MIDN: variants seen among roughly 807,000 people sequenced by gnomAD.
MIDN encodes midnolin.
A neutral mutation model predicts 46.1 loss-of-function variants in MIDN; 26 were observed. That is an observed-to-expected ratio of 0.56 (90% confidence interval 0.41 to 0.78). The LOEUF (loss-of-function observed/expected upper bound fraction) is 0.78. MIDN is among the 30% of genes least tolerant of loss of function. The pLI, the probability that MIDN is intolerant of heterozygous loss-of-function variation, is 0.00. For missense variants in MIDN, 850 were observed against 771.8 expected (o/e 1.10, Z -1.20); for synonymous variants, 432 against 343.3 (o/e 1.26, Z -2.86).
intron 4 of MIDN, among the ~76,000 whole-genome samples, chr19:1,253,220 G>C (rs558153815): frequency 6.6e-6 from 1 of 151,868 alleles, no homozygotes; most frequent in South Asian, 2.1e-4. Context: ...CTGTCTTGGG[G>C]CAGGGGGGTA....
chr19:1,255,684 C>G lies in MIDN; in HGVS notation c.1248C>G (p.Cys416Trp). The change falls in exon 8 of 9, where the codon TGC (cysteine) becomes TGG (tryptophan). Residue 416 changes from cysteine (C) to tryptophan (W), a missense_variant. Cys to Trp is a radical substitution (Grantham distance 215). Transcript: ENST00000682408. ...LLQGQSQIRM[C>W]KPPGDRLRQT... ...AGGGCCAGAGCCAGATCCGCATGTG[C>G]AAGCCCCCGGGTGAGTGGCCACCCT... 4 of 1,584,430 alleles carry G rather than the reference C, an allele frequency of 2.5e-6. No individual in the cohort carries two copies. Among genetic ancestry groups the G allele is most frequent in the East Asian group, 2.2e-5 (1 of 44,548 alleles).
Position 1,250,500 on chromosome 19 carries a change from G to C in MIDN, c.204G>C (p.Lys68Asn). Residue 68 changes from lysine (K) to asparagine (N), a missense_variant, in exon 2 of 9, where the codon AAG becomes AAC. Transcript: ENST00000682408. Reference protein sequence around the residue: ...KRLSQRLKVPKERLALLHKDT... With the variant: ...KRLSQRLKVPNERLALLHKDT... The stretch of plus-strand genomic sequence containing the variant: ...TGTCCCAGCGCCTCAAAGTGCCCAA[G>C]GAGCGCCTGGCTCTTCTCCACAAAG... 2 of 1,343,400 alleles carry C rather than the reference G, an allele frequency of 1.5e-6. No homozygotes were observed. Among genetic ancestry groups the C allele is most frequent in the Non-Finnish European group, 2.0e-6 (2 of 1,022,836 alleles). 83.2% of individuals were successfully genotyped at this position (1,343,400 alleles called of 1,614,324 possible).
chr19:1,257,685 C>T lies in MIDN; in HGVS notation c.*413C>T, dbSNP rs1417441252. ...TTCCGCCGCCTCCTTTCCCCCCCGA[C>T]CCTATTCAGGTTTTAAGTCAAAAAT... On this transcript the variant is annotated 3_prime_UTR_variant, in exon 9 of 9. Transcript: ENST00000682408. The T allele has an allele frequency of 5.1e-6, 1 of 194,408 alleles. No homozygotes were observed. Among genetic ancestry groups the T allele is most frequent in the Non-Finnish European group, 1.0e-5 (1 of 95,240 alleles). 12.0% of individuals were successfully genotyped at this position (194,408 alleles called of 1,614,324 possible).
chr19:1,250,948 C>T (rs2081119013), intron 2 of MIDN, among the ~76,000 whole-genome samples: 1 of 152,034 alleles, frequency 6.6e-6, no homozygotes, highest in Admixed American at 6.5e-5. Context: ...CGAGCGCTCC[C>T]CGCAGCCTCC....
rs201653876 is a variant in MIDN at position 1,251,660 on chromosome 19, A to C, written c.321+11A>C. On this transcript the variant is annotated intron_variant, in intron 3 of 8. Transcript: ENST00000682408. ...GAAGCGGGCCTCATGGTAAATGGCC[A>C]TGGGGCTGCGTGCCCCCAGAGGCCC... 7 of 1,605,990 alleles carry C rather than the reference A, an allele frequency of 4.4e-6. No homozygotes were observed. The highest frequency in any genetic ancestry group is 5.9e-6 in the Non-Finnish European group (7 of 1,176,550).
Position 1,250,397 on chromosome 19 carries a change from C to G in MIDN, c.101C>G (p.Ala34Gly), listed in dbSNP as rs745584780. Reference protein sequence around the residue: ...PAAEAAPMSLAIHSTTGTRYD... With the variant: ...PAAEAAPMSLGIHSTTGTRYD... ...GCCGAGGCGGCGCCCATGAGCCTCG[C>G]CATCCACAGCACCACGGGCACCCGC... Residue 34 changes from alanine (A) to glycine (G), a missense_variant, in exon 2 of 9, where the codon GCC becomes GGC. By Grantham distance (60) the Ala-to-Gly change is moderately conservative. Coordinates refer to ENST00000682408, the MANE Select transcript of MIDN (RefSeq NM_001388306.1). 5 of 1,293,392 alleles carry G rather than the reference C, an allele frequency of 3.9e-6. No individual in the cohort carries two copies. The East Asian group carries it at 1.9e-4, about 48-fold the overall frequency. The allele number at this position is 1,293,392 out of a possible 1,614,324, so 80.1% of individuals were successfully genotyped here.
rs950121331 is a variant in MIDN, at chr19:1,255,019, T to C, written c.943T>C (p.Phe315Leu). ...AAAACCCGGCGCCGTCATCGAGAGC[T>C]TTGTGAATCACGCCCCGGGGGTCTT... ...SRKPGAVIES[F>L]VNHAPGVFSG... The change falls in exon 7 of 9, where the codon TTT (phenylalanine) becomes CTT (leucine). Residue 315 changes from phenylalanine (F) to leucine (L), a missense_variant. By Grantham distance (22) the Phe-to-Leu change is conservative (BLOSUM62 0). Transcript: ENST00000682408. The C allele has an allele frequency of 1.2e-6, 2 of 1,613,122 alleles. No homozygotes were observed. Among genetic ancestry groups the C allele is most frequent in the African/African-American group, 2.7e-5 (2 of 74,862 alleles).
chr19:1,250,374 C>T lies in MIDN; in HGVS notation c.78C>T (p.Ala26=), dbSNP rs780452262. 1.0e-5 allele frequency: 12 copies of T among 1,169,076 alleles called. No individual in the cohort carries two copies. Among genetic ancestry groups the T allele is most frequent in the Non-Finnish European group, 1.2e-5 (11 of 936,320 alleles). 72.4% of individuals were successfully genotyped at this position (1,169,076 alleles called of 1,614,324 possible). A position where few individuals can be genotyped will look rare whatever the true frequency, so the allele number is the denominator to read the frequency against. ...PGGACELGPA[A]EAAPMSLAIH... ...GCGCCTGCGAGCTGGGCCCGGCGGC[C>T]GAGGCGGCGCCCATGAGCCTCGCCA... The change falls in exon 2 of 9, where the codon GCC becomes GCT. Residue 26 remains alanine (A), a synonymous_variant. Coordinates refer to ENST00000682408, the MANE Select transcript of MIDN (RefSeq NM_001388306.1).
chr19:1,252,062 C>G (rs983350575), intron 4 of MIDN, among the ~76,000 whole-genome samples, 161 bp downstream of exon 4: 1 of 152,148 alleles, frequency 6.6e-6, no homozygotes, highest in Non-Finnish European at 1.5e-5. Flanking sequence ...TCCCCACCTC[C>G]TCTCCCCCAA....
chr19:1,250,462 C>T lies in MIDN; in HGVS notation c.166C>T (p.Leu56=), dbSNP rs1407120806. The part of the protein sequence containing the change: ...AVPPDETVEG[L]RKRLSQRLKV... ...GCCGCCCGACGAGACGGTGGAGGGG[C>T]TGCGCAAGCGGTTGTCCCAGCGCCT... The change falls in exon 2 of 9, where the codon CTG becomes TTG. Residue 56 remains leucine, a synonymous_variant. Transcript: ENST00000682408. 4 of 1,388,684 alleles carry T rather than the reference C, an allele frequency of 2.9e-6. No homozygotes were observed. Among genetic ancestry groups the T allele is most frequent in the South Asian group, 3.0e-5 (2 of 66,708 alleles). The allele number at this position is 1,388,684 out of a possible 1,614,324, so 86.0% of individuals were successfully genotyped here. A position where few individuals can be genotyped will look rare whatever the true frequency, so the allele number is the denominator to read the frequency against.
At chr19:1,255,389 GT>G in intron 7 of MIDN, 32 bp from the exon 8 acceptor site, 1 of 1,550,066 alleles carries the variant, frequency 6.5e-7, no homozygotes, top group Non-Finnish European at 8.7e-7. Flanking sequence ...GACTGTGCCC[GT>G]GCCGGGCACT....
rs374577582 is a variant in MIDN, at chr19:1,252,734, G to A, written c.384+833G>A. On this transcript the variant is annotated intron_variant, in intron 4 of 8. Coordinates refer to ENST00000682408, the MANE Select transcript of MIDN (RefSeq NM_001388306.1). Reference sequence around the variant, plus strand: ...CGGCTTCCCGGGCCTCCCTGGCCCCGAGGCCCGCACCCCCTTCCGCTTTCC... The same window carrying A: ...CGGCTTCCCGGGCCTCCCTGGCCCCAAGGCCCGCACCCCCTTCCGCTTTCC... 2.3e-3 allele frequency among the ~76,000 whole-genome samples: 348 copies of A among 152,180 alleles called. 1 individual carries two copies. The highest frequency in any genetic ancestry group is 0.014 in the Middle Eastern group (4 of 294).
chr19:1,254,519 C>G, intron 6 of MIDN, 41 bp downstream of exon 6: 1 of 1,532,974 alleles, frequency 6.5e-7, no homozygotes, highest in Non-Finnish European at 8.7e-7. Flanking sequence ...GGTTGGAATC[C>G]AAAGGGTGGG....
chr19:1,251,011 G>A (rs1336388731), intron 2 of MIDN, among the ~76,000 whole-genome samples: 1 of 151,120 alleles, frequency 6.6e-6, no homozygotes, highest in Non-Finnish European at 1.5e-5. Flanking sequence ...CCCCCCGCGG[G>A]CCTCCGGGGA....
At chr19:1,255,812 C>T (rs1473905693) in intron 8 of MIDN, 118 bp downstream of exon 8, 21 of 988,928 alleles carry the variant, frequency 2.1e-5, no homozygotes, top group Non-Finnish European at 3.0e-5. Flanking sequence ...GGGGGGATGG[C>T]AGCTGCCGTG....
rs949487864 is a variant in MIDN at position 1,249,909 on chromosome 19, C to A, written c.-388C>A. 1 of 152,006 alleles carries A rather than the reference C, an allele frequency of 6.6e-6. No individual in the cohort carries two copies. The highest frequency in any genetic ancestry group is 1.5e-5 in the Non-Finnish European group (1 of 67,970). The allele number at this position is 152,006 out of a possible 1,614,324, so 9.4% of individuals were successfully genotyped here. ...CCCCAGATCCTCCGAGCGGCGGCGACGGCTGTTGCTAAGGGAGGGGACGCG... is the reference window on the plus strand; with the variant it reads ...CCCCAGATCCTCCGAGCGGCGGCGAAGGCTGTTGCTAAGGGAGGGGACGCG... On this transcript the variant is annotated 5_prime_UTR_variant, in exon 2 of 9. Transcript: ENST00000682408.
At position 1,257,118 on chromosome 19, in the gene MIDN, G is replaced by C. The variant is rs2081208716; in HGVS notation, c.1382G>C (p.Trp461Ser). 6.2e-7 allele frequency: 1 copy of C among 1,611,714 alleles called. No individual in the cohort carries two copies. The highest frequency in any genetic ancestry group is 8.5e-7 in the Non-Finnish European group (1 of 1,179,408). The change falls in exon 9 of 9, where the codon TGG becomes TCG. Residue 461 changes from tryptophan to serine, a missense_variant. Coordinates refer to ENST00000682408, the MANE Select transcript of MIDN (RefSeq NM_001388306.1). ...CGGGACGCGCGGGGTCCGTACCACT[G>C]GTCACCCAGCCGCAAGGCCGGCCGC... is the stretch of plus-strand genomic sequence containing the variant. ...ARRDARGPYH[W>S]SPSRKAGRSD...
chr19:1,249,477 G>C (rs1442273649), intron 1 of MIDN, among the ~76,000 whole-genome samples: 4 of 148,452 alleles, frequency 2.7e-5, no homozygotes, highest in African/African-American at 9.8e-5. Flanking sequence ...GCCCCCTCCC[G>C]CTCCCGGCCG....
In MIDN at chr19:1,254,462, C is replaced by T; in HGVS notation, c.809C>T (p.Ser270Phe). 6.4e-7 allele frequency: 1 copy of T among 1,558,736 alleles called. No homozygotes were observed. Among genetic ancestry groups the T allele is most frequent in the Non-Finnish European group, 8.6e-7 (1 of 1,159,164 alleles). Residue 270 changes from serine to phenylalanine, a missense_variant, in exon 6 of 9, where the codon TCC (serine) becomes TTC (phenylalanine). Ser to Phe is a radical substitution (Grantham distance 155). Transcript: ENST00000682408. ...TAGSFRSHAA[S>F]TTCPEQMDCS... ...GGCTCCTTCCGGTCCCACGCAGCCT[C>T]CACCACCTGCCCGGAGGTGAGCCTG...
Sources: gnomAD v4.1 joint callset for allele counts (sites outside exome capture counted in the v4.1 genomes callset) on GRCh38, gnomAD v4.1.1 for gene constraint, MANE v1.5 for transcripts, NCBI Gene and HGNC (gene_info 2026-07-23, HGNC 2026-07-21) for gene names.